Variants in LSM14B observed in about 807,000 individuals in gnomAD.
LSM14B encodes LSM family member 14B.
LSM14B carries 8 observed loss-of-function variants against 42.1 expected under a neutral mutation model. The ratio of observed to expected loss-of-function variants is 0.19; its 90% CI spans 0.11 to 0.34. LSM14B has a LOEUF of 0.34. LSM14B is among the 10% of genes least tolerant of loss of function. The pLI is 1.00. For synonymous variants in LSM14B, 219 were observed against 209.7 expected (o/e 1.04, Z -0.38); for missense variants, 396 against 513.1 (o/e 0.77, Z 2.21).
chr20:62,126,531 T>G, intron 3 of LSM14B, 92 bp downstream of exon 3: 1 of 1,487,118 alleles, frequency 6.7e-7, no homozygotes, highest in Non-Finnish European at 9.1e-7. Context: ...TATGCATTCC[T>G]GTCATGCTCA....
chr20:62,124,606 C>G lies in LSM14B; in HGVS notation c.128-11C>G. On this transcript the variant is annotated splice_polypyrimidine_tract_variant and intron_variant, in intron 1 of 8. Transcript: ENST00000279068. The stretch of plus-strand genomic sequence containing the variant: ...GGACAACAATAACGCTTCTCTTTCT[C>G]CACTCATAAGTGAGGTCCTTTGGCA... 1.9e-6 allele frequency: 3 copies of G among 1,611,946 alleles called. No individual in the cohort carries two copies. Among genetic ancestry groups the G allele is most frequent in the Non-Finnish European group, 2.5e-6 (3 of 1,178,724 alleles).
intron 2 of LSM14B, among the ~76,000 whole-genome samples, chr20:62,125,008 G>A (rs745523779): frequency 6.6e-6 from 1 of 152,132 alleles, no homozygotes; most frequent in Non-Finnish European, 1.5e-5. Flanking sequence ...AGCCTCCCGA[G>A]TAGCTGGGAC....
chr20:62,122,899 C>T lies in LSM14B; in HGVS notation c.127+106C>T, dbSNP rs1211261520. ...CGCCCCGGAGCCTGGCGCCCAGACC[C>T]CGCCCAGAACCCACCCAGGGCACAC... On this transcript the variant is annotated intron_variant, in intron 1 of 8. Coordinates refer to ENST00000279068, the MANE Select transcript of LSM14B (RefSeq NM_144703.3). This position sits in a 1 kb window ranked among gnomAD's most constrained non-coding sequence, Gnocchi z 4.6. 5 of 1,065,046 alleles carry T rather than the reference C, an allele frequency of 4.7e-6. No individual in the cohort carries two copies. In the African/African-American group the frequency reaches 8.6e-5, roughly 18 times the overall value. The allele number at this position is 1,065,046 out of a possible 1,614,324, so 66.0% of individuals were successfully genotyped here.
At chr20:62,133,266 A>G in intron 7 of LSM14B, 24 bp from the exon 8 acceptor site, 1 of 1,610,628 alleles carries the variant, frequency 6.2e-7, no homozygotes, top group Middle Eastern at 1.7e-4. Flanking sequence ...GCCTGCTACA[A>G]TCAGCATTTC....
intron 3 of LSM14B, among the ~76,000 whole-genome samples, chr20:62,129,535 C>T (rs1044699829): frequency 1.6e-4 from 24 of 152,094 alleles, no homozygotes; most frequent in African/African-American, 5.6e-4. Context: ...AAGCTCAGGG[C>T]TTTGGGAGTG....
At chr20:62,127,915 C>G (rs772765605) in intron 3 of LSM14B, 18 of 680,010 alleles carry the variant, frequency 2.6e-5, no homozygotes, top group Non-Finnish European at 4.6e-5. Flanking sequence ...AGTTTGTTCT[C>G]TCTCCCTGGG....
In LSM14B at chr20:62,130,660, CAA is replaced by C; in HGVS notation, c.806_807del (p.Lys269ArgfsTer3). 1 of 1,613,716 alleles carries C rather than the reference CAA, an allele frequency of 6.2e-7. No individual in the cohort carries two copies. The highest frequency in any genetic ancestry group is 8.5e-7 in the Non-Finnish European group (1 of 1,179,814). ...CCCAGTTCAACCGAGAGGAGCTTGA[CAA>C]AGAATTTAAGAAGAAACTGAATTTT... ...NAQFNREELD[K>X]EFKKKLNFKD... On this transcript the variant is annotated frameshift_variant, in exon 6 of 9. Coordinates refer to ENST00000279068, the MANE Select transcript of LSM14B (RefSeq NM_144703.3). LOFTEE classifies it high-confidence loss of function. The surrounding 1 kb of genome is among the most constrained non-coding windows in gnomAD (Gnocchi z 4.1).
At position 62,135,310 on chromosome 20, in the gene LSM14B, C is replaced by A. The variant is rs1415814376; in HGVS notation, c.*1162C>A. The A allele has an allele frequency of 6.6e-6, 1 of 152,174 alleles. No individual in the cohort carries two copies. Among genetic ancestry groups the A allele is most frequent in the Admixed American group, 6.5e-5 (1 of 15,278 alleles). The allele number at this position is 152,174 out of a possible 1,614,324, so 9.4% of individuals were successfully genotyped here. ...TTAATGGCTAAGAATTAGAACATAG[C>A]AAGGGGGCTCCTCTGTTGGAGTAAT... On this transcript the variant is annotated 3_prime_UTR_variant, in exon 9 of 9. Transcript: ENST00000279068.
chr20:62,134,242 T>A lies in LSM14B; in HGVS notation c.*94T>A, dbSNP rs1363967706. Reference sequence around the variant, plus strand: ...ACGCTGCACTTACAGGGAGAGGTGGTCACTTTGTTTACGGAGTTTGGAAGA... The same window carrying A: ...ACGCTGCACTTACAGGGAGAGGTGGACACTTTGTTTACGGAGTTTGGAAGA... On this transcript the variant is annotated 3_prime_UTR_variant, in exon 9 of 9. Transcript: ENST00000279068. 6.4e-6 allele frequency: 3 copies of A among 471,568 alleles called. No individual in the cohort carries two copies. Among genetic ancestry groups the A allele is most frequent in the Non-Finnish European group, 1.3e-5 (3 of 227,176 alleles). 29.2% of individuals were successfully genotyped at this position (471,568 alleles called of 1,614,324 possible). A position where few individuals can be genotyped will look rare whatever the true frequency, so the allele number is the denominator to read the frequency against.
intron 2 of LSM14B, among the ~76,000 whole-genome samples, 185 bp downstream of exon 2, chr20:62,124,965 T>C (rs1810697): frequency 0.92 from 139,738 of 151,896 alleles, 65,243 homozygotes; most frequent in Non-Finnish European, 1. Flanking sequence ...ATTGCAACTT[T>C]GGCTTCCCAG....
rs376673794 is a variant in LSM14B at position 62,130,495 on chromosome 20, C to A, written c.674-35C>A. On this transcript the variant is annotated intron_variant, in intron 5 of 8. Transcript: ENST00000279068. This position sits in a 1 kb window ranked among gnomAD's most constrained non-coding sequence, Gnocchi z 4.1. ...GTGTTTGAGATCACTGGGTTGGTGA[C>A]CTACTTCAGCCAGGGCTGTCCTTTG... The A allele has an allele frequency of 1.2e-6, 2 of 1,607,122 alleles. No homozygotes were observed. The highest frequency in any genetic ancestry group is 3.4e-5 in the Admixed American group (2 of 59,236).
In LSM14B at chr20:62,130,747, T is replaced by G. The variant is rs2145630924; in HGVS notation, c.835+56T>G. 1 of 1,558,306 alleles carries G rather than the reference T, an allele frequency of 6.4e-7. No individual in the cohort carries two copies. The highest frequency in any genetic ancestry group is 8.7e-7 in the Non-Finnish European group (1 of 1,148,944). On this transcript the variant is annotated intron_variant, in intron 6 of 8. Coordinates refer to ENST00000279068, the MANE Select transcript of LSM14B (RefSeq NM_144703.3). The surrounding 1 kb of genome is among the most constrained non-coding windows in gnomAD (Gnocchi z 4.1). ...GCACAGGAGTACCCCTAGAGAGTGT[T>G]AGGAGGAGATGCCTGGCCGGGTGTG...
intron 7 of LSM14B, 95 bp from the exon 8 acceptor site, chr20:62,133,193 GTC>G: frequency 6.8e-7 from 1 of 1,473,342 alleles, no homozygotes; most frequent in Middle Eastern, 1.8e-4. Flanking sequence ...GCCCTGGTGA[GTC>G]TGTCCCTCCT....
At chr20:62,133,732 C>T (rs1350798757) in intron 8 of LSM14B, among the ~76,000 whole-genome samples, 4 of 152,316 alleles carry the variant, frequency 2.6e-5, no homozygotes, top group East Asian at 1.9e-4. Flanking sequence ...TGAGGTGGTG[C>T]GGGAGTCGCG....
Position 62,134,208 on chromosome 20 carries a change from G to A in LSM14B, c.*60G>A, listed in dbSNP as rs1412585884. 2.3e-5 allele frequency: 11 copies of A among 470,962 alleles called. No individual in the cohort carries two copies. The highest frequency in any genetic ancestry group is 2.1e-4 in the East Asian group (3 of 14,390). 29.2% of individuals were successfully genotyped at this position (470,962 alleles called of 1,614,324 possible). The stretch of plus-strand genomic sequence containing the variant: ...TAACTGACGCTGTGTGTGTCAGGAC[G>A]CGAGGAAAACGCTGCACTTACAGGG... On this transcript the variant is annotated 3_prime_UTR_variant, in exon 9 of 9. Transcript: ENST00000279068.
At chr20:62,128,280 C>G (rs1039011858) in intron 3 of LSM14B, among the ~76,000 whole-genome samples, 3 of 152,178 alleles carry the variant, frequency 2.0e-5, no homozygotes, top group African/African-American at 7.2e-5. Context: ...ACTCATTTCC[C>G]CTGAAGTTCT....
At chr20:62,127,032 T>C (rs1209859663) in intron 3 of LSM14B, among the ~76,000 whole-genome samples, 2 of 152,224 alleles carry the variant, frequency 1.3e-5, no homozygotes, top group African/African-American at 2.4e-5. Context: ...GTATATCTGC[T>C]TCAAAGAAGA....
Position 62,129,962 on chromosome 20 carries a change from C to T in LSM14B, c.595+10C>T. On this transcript the variant is annotated intron_variant, in intron 4 of 8. Coordinates refer to ENST00000279068, the MANE Select transcript of LSM14B (RefSeq NM_144703.3). ...AGCAAGACGGCCAGCGGTACTTGAA[C>T]ACATCATTTCCTGGAGTTTGCTTGA... The T allele has an allele frequency of 6.2e-7, 1 of 1,602,560 alleles. No individual in the cohort carries two copies. Among genetic ancestry groups the T allele is most frequent in the Non-Finnish European group, 8.5e-7 (1 of 1,175,062 alleles).
Position 62,130,916 on chromosome 20 carries a change from C to T in LSM14B, c.835+225C>T, listed in dbSNP as rs57579481. Reference sequence around the variant, plus strand: ...AAAATTAGCCAGGCGTGGTGGTGGGCGCCTGTAATCCCAGCTACTCGGGAG... The same window carrying T: ...AAAATTAGCCAGGCGTGGTGGTGGGTGCCTGTAATCCCAGCTACTCGGGAG... On this transcript the variant is annotated intron_variant, in intron 6 of 8. Transcript: ENST00000279068. This position sits in a 1 kb window ranked among gnomAD's most constrained non-coding sequence, Gnocchi z 4.1. Among the ~76,000 whole-genome samples the T allele has an allele frequency of 2.6e-5, 4 of 152,206 alleles. No homozygotes were observed. Among genetic ancestry groups the T allele is most frequent in the East Asian group, 1.9e-4 (1 of 5,178 alleles).
Sources: allele counts gnomAD v4.1 joint callset (sites outside exome capture counted in the v4.1 genomes callset), GRCh38; gene constraint gnomAD v4.1.1; non-coding constraint Gnocchi (gnomAD v3.1); transcripts MANE v1.5; gene names NCBI Gene and HGNC (gene_info 2026-07-23, HGNC 2026-07-21).